EFHC1: variants seen among roughly 807,000 people sequenced by gnomAD.
EFHC1 encodes the protein EF-hand domain containing 1.
Under a neutral mutation model 69.9 loss-of-function variants are expected in EFHC1, and 53 were observed. The observed-to-expected ratio is 0.76, with a 90% CI of 0.61 to 0.95. The LOEUF (loss-of-function observed/expected upper bound fraction) is 0.95, where lower values mean the gene tolerates loss of function less well. Ranked by LOEUF, EFHC1 falls within the 40% of genes least tolerant of loss-of-function variation. The pLI is 0.00. For missense variants in EFHC1, 739 were observed against 798.7 expected (o/e 0.93, Z 0.90); for synonymous variants, 256 against 278.4 (o/e 0.92, Z 0.80).
At chr6:52,489,634 C>A (rs1765854258) in intron 9 of EFHC1, among the ~76,000 whole-genome samples, 3 of 152,154 alleles carry the variant, frequency 2.0e-5, no homozygotes, top group Admixed American at 2.0e-4. Flanking sequence ...AATCTCTTAG[C>A]TTCCATAGAT....
chr6:52,479,908 G>A, intron 9 of EFHC1, 121 bp downstream of exon 9: 1 of 1,460,350 alleles, frequency 6.8e-7, no homozygotes, highest in Non-Finnish European at 9.3e-7. Context: ...GGAATTATTA[G>A]ATATAAACAG....
At chr6:52,423,850 A>C (rs1225142005) in intron 1 of EFHC1, 96 bp from the exon 2 acceptor site, 1 of 1,559,644 alleles carries the variant, frequency 6.4e-7, no homozygotes, top group Middle Eastern at 1.7e-4. Context: ...GATGCTTATA[A>C]GCAAAGATTC....
chr6:52,485,215 A>G (rs1441926831), intron 9 of EFHC1: 1 of 152,200 alleles, frequency 6.6e-6, no homozygotes, highest in African/African-American at 2.4e-5. Flanking sequence ...ATTTAATTCA[A>G]GTACTTCCCG....
intron 4 of EFHC1, 77 bp downstream of exon 4, chr6:52,452,914 G>T: frequency 6.2e-7 from 1 of 1,608,086 alleles, no homozygotes. Context: ...GGTTTGGGTA[G>T]CTGTATTGGT....
At chr6:52,430,912 C>T (rs1003390027) in intron 2 of EFHC1, among the ~76,000 whole-genome samples, 2 of 152,080 alleles carry the variant, frequency 1.3e-5, no homozygotes, top group Admixed American at 1.3e-4. Context: ...TCTAATTCTA[C>T]CTGAATTAAG....
chr6:52,475,183 A>G (rs1337319519), intron 7 of EFHC1, among the ~76,000 whole-genome samples: 1 of 152,170 alleles, frequency 6.6e-6, no homozygotes, highest in Non-Finnish European at 1.5e-5. Context: ...TATTGGGTGA[A>G]ATAGAGAATG....
At chr6:52,449,211 ATC>A (rs1414940446) in intron 3 of EFHC1, among the ~76,000 whole-genome samples, 1 of 151,982 alleles carries the variant, frequency 6.6e-6, no homozygotes, top group Non-Finnish European at 1.5e-5. Context: ...GTGAAACCCC[ATC>A]TCTACTAAAA....
intron 5 of EFHC1, among the ~76,000 whole-genome samples, chr6:52,462,272 T>A (rs1486735133): frequency 6.6e-6 from 1 of 151,794 alleles, no homozygotes; most frequent in East Asian, 1.9e-4. Flanking sequence ...CAAAAACTCT[T>A]AAAACTCTAA....
rs745600475 is a variant in EFHC1 at position 52,438,476 on chromosome 6, G to T, written c.458G>T (p.Arg153Leu). The T allele has an allele frequency of 6.2e-7, 1 of 1,614,002 alleles. No individual in the cohort carries two copies. Among genetic ancestry groups the T allele is most frequent in the Non-Finnish European group, 8.5e-7 (1 of 1,179,966 alleles). ...ILQGKLIKRQ[R>L]LAKNDRGDHY... ...CAAGGCAAGTTAATAAAACGCCAGC[G>T]GCTAGCCAAGAATGACCGGGGTGAC... Residue 153 changes from arginine (R) to leucine (L), a missense_variant, in exon 3 of 11, where the codon CGG becomes CTG. Coordinates refer to ENST00000371068, the MANE Select transcript of EFHC1 (RefSeq NM_018100.4).
Position 52,423,926 on chromosome 6 carries a change from C to G in EFHC1, c.64-20C>G. ...AATATTTGTCTAATGTTATTAATGA[C>G]ACATTCTTTTCTTCTTCAGAAAACA... On this transcript the variant is annotated intron_variant, in intron 1 of 10. Transcript: ENST00000371068. 1 of 1,612,114 alleles carries G rather than the reference C, an allele frequency of 6.2e-7. No individual in the cohort carries two copies. The highest frequency in any genetic ancestry group is 1.3e-5 in the African/African-American group (1 of 74,868).
chr6:52,488,913 C>T (rs138897550), intron 9 of EFHC1: 1 of 152,186 alleles, frequency 6.6e-6, no homozygotes, highest in African/African-American at 2.4e-5. Flanking sequence ...TATTTAATTC[C>T]CTATTTTTGG....
intron 7 of EFHC1, among the ~76,000 whole-genome samples, chr6:52,478,101 A>T (rs1045414404): frequency 2.0e-5 from 3 of 152,248 alleles, no homozygotes; most frequent in African/African-American, 7.2e-5. Context: ...CAGCCATAAA[A>T]TTGATGAGTT....
chr6:52,422,440 T>C (rs1237244530), intron 1 of EFHC1, among the ~76,000 whole-genome samples: 2 of 152,236 alleles, frequency 1.3e-5, no homozygotes, highest in African/African-American at 4.8e-5. Context: ...ACATGACCTT[T>C]AAAAACAAAT....
intron 5 of EFHC1, among the ~76,000 whole-genome samples, chr6:52,463,080 T>G (rs1396704730): frequency 6.6e-6 from 1 of 151,916 alleles, no homozygotes; most frequent in Non-Finnish European, 1.5e-5. Context: ...CAGGCTGGAG[T>G]GCAGTGGCCT....
rs775601315 is a variant in EFHC1, at chr6:52,479,217, C to T, written c.1459C>T (p.Pro487Ser). The T allele has an allele frequency of 6.6e-5, 106 of 1,613,928 alleles. No homozygotes were observed. The highest frequency in any genetic ancestry group is 8.6e-5 in the Non-Finnish European group (101 of 1,180,004). ...AGTGGACAACCCTGTCTACTATGGC[C>T]CCAGTGACTTCTTCATTGGTGCTGT... The part of the protein sequence containing the change: ...STVDNPVYYG[P>S]SDFFIGAVIE... The change falls in exon 8 of 11, where the codon CCC (proline) becomes TCC (serine). Residue 487 changes from proline to serine, a missense_variant. By Grantham distance (74) the Pro-to-Ser change is moderately conservative (BLOSUM62 -1). Transcript: ENST00000371068.
At chr6:52,457,423 A>C (rs562675965) in intron 5 of EFHC1, among the ~76,000 whole-genome samples, 3 of 152,330 alleles carry the variant, frequency 2.0e-5, no homozygotes, top group Middle Eastern at 3.4e-3. Flanking sequence ...ATTAGGAACA[A>C]GTATGGCATG....
intron 7 of EFHC1, among the ~76,000 whole-genome samples, chr6:52,478,443 C>A (rs1268629888): frequency 1.3e-5 from 2 of 152,090 alleles, no homozygotes; most frequent in Non-Finnish European, 2.9e-5. Context: ...AAGAAAAAGT[C>A]TTGTCTACAA....
Position 52,454,082 on chromosome 6 carries a change from G to T in EFHC1, c.724-13G>T. On this transcript the variant is annotated splice_polypyrimidine_tract_variant and intron_variant, in intron 4 of 10. Coordinates refer to ENST00000371068, the MANE Select transcript of EFHC1 (RefSeq NM_018100.4). ...TTTAGGATTCTTGAGTCACTACTTT[G>T]GATTCTTCAAAGGTCCTTCGATTCT... is the stretch of plus-strand genomic sequence containing the variant. 1.2e-6 allele frequency: 2 copies of T among 1,612,288 alleles called. No homozygotes were observed. The highest frequency in any genetic ancestry group is 2.2e-5 in the South Asian group (2 of 90,854).
intron 9 of EFHC1, chr6:52,485,831 A>G (rs768798356): frequency 5.9e-5 from 9 of 152,166 alleles, no homozygotes; most frequent in Non-Finnish European, 1.2e-4. Flanking sequence ...GAGCCAAATA[A>G]GCCTGCTTTT....
Sources: allele counts gnomAD v4.1 joint callset (sites outside exome capture counted in the v4.1 genomes callset), GRCh38; gene constraint gnomAD v4.1.1; transcripts MANE v1.5; gene names NCBI Gene and HGNC (gene_info 2026-07-23, HGNC 2026-07-21).